GUCY1A2: variants seen among roughly 807,000 people sequenced by gnomAD.
The protein encoded by GUCY1A2 is guanylate cyclase 1 soluble subunit alpha 2.
Under a neutral mutation model 63.5 loss-of-function variants are expected in GUCY1A2, and 27 were observed. That is an observed-to-expected ratio of 0.43 (90% CI 0.31 to 0.59). GUCY1A2 has a LOEUF of 0.59. Among genes scored for constraint, GUCY1A2 ranks in the 20% least tolerant of loss-of-function variants. GUCY1A2 has a pLI of 0.11. For missense variants in GUCY1A2, 768 were observed against 913.3 expected (o/e 0.84, Z 2.05); for synonymous variants, 364 against 343.5 (o/e 1.06, Z -0.66).
chr11:106,760,349 T>C (rs1864044444), intron 6 of GUCY1A2, among the ~76,000 whole-genome samples: 1 of 152,030 alleles, frequency 6.6e-6, no homozygotes, highest in South Asian at 2.1e-4. Flanking sequence ...CATTTGGAGT[T>C]GAGATTATGT....
At chr11:106,953,612 T>C (rs887731373) in intron 3 of GUCY1A2, among the ~76,000 whole-genome samples, 5 of 152,168 alleles carry the variant, frequency 3.3e-5, no homozygotes, top group African/African-American at 1.2e-4. Flanking sequence ...CTCCTCTTTA[T>C]ATTTCTGGTA....
intron 4 of GUCY1A2, among the ~76,000 whole-genome samples, chr11:106,903,626 C>T (rs181169906): frequency 2.6e-5 from 4 of 152,224 alleles, no homozygotes; most frequent in Admixed American, 1.3e-4. Context: ...ACTATCCGAA[C>T]AGAGAGTCAT....
chr11:106,701,564 A>T (rs2135343957), intron 7 of GUCY1A2, among the ~76,000 whole-genome samples: 1 of 152,220 alleles, frequency 6.6e-6, no homozygotes, highest in African/African-American at 2.4e-5. Context: ...ATGGGTCTTT[A>T]AAAAAATAAA....
chr11:106,747,272 G>T (rs1314916252), intron 6 of GUCY1A2, among the ~76,000 whole-genome samples: 3 of 151,106 alleles, frequency 2.0e-5, no homozygotes, highest in African/African-American at 7.2e-5. Flanking sequence ...ACAGGCGTAA[G>T]CCACCGCGCC....
chr11:106,756,814 G>C (rs1385121834), intron 6 of GUCY1A2, among the ~76,000 whole-genome samples: 1 of 152,016 alleles, frequency 6.6e-6, no homozygotes, highest in South Asian at 2.1e-4. Context: ...TGAATCTGAC[G>C]ATTATGTTTC....
intron 5 of GUCY1A2, among the ~76,000 whole-genome samples, chr11:106,785,603 T>C (rs1054630649): frequency 4.6e-5 from 7 of 151,942 alleles, no homozygotes; most frequent in Admixed American, 2.0e-4. Context: ...ATGCTTTAAA[T>C]TGCATTCAAT....
chr11:106,788,535 C>A (rs1864604621), intron 5 of GUCY1A2, among the ~76,000 whole-genome samples: 2 of 152,172 alleles, frequency 1.3e-5, no homozygotes, highest in Non-Finnish European at 2.9e-5. Context: ...AGATTTAAGT[C>A]TTTAACCCAT....
chr11:106,936,511 G>T, intron 4 of GUCY1A2: 1 of 499,738 alleles, frequency 2.0e-6, no homozygotes, highest in Non-Finnish European at 3.6e-6. Flanking sequence ...GAAAACATAC[G>T]AATACTATAA....
At position 106,831,292 on chromosome 11, in the gene GUCY1A2, G is replaced by A. The variant is rs553173758; in HGVS notation, c.1207-20814C>T. On this transcript the variant is annotated intron_variant, in intron 4 of 7. Coordinates refer to ENST00000526355, the MANE Select transcript of GUCY1A2 (RefSeq NM_000855.3). ...AGAATTTGTCTTTCTAGACATTCCC[G>A]TGAACATGAACAACGTGTAAAAAAC... Among the ~76,000 whole-genome samples, 7 of 152,204 alleles carry A rather than the reference G, an allele frequency of 4.6e-5. No homozygotes were observed. In the South Asian group the frequency reaches 8.3e-4, roughly 18 times the overall value.
intron 4 of GUCY1A2, chr11:106,827,369 T>C: frequency 6.4e-7 from 1 of 1,552,844 alleles, no homozygotes; most frequent in Admixed American, 1.7e-5. Context: ...GCTTTATCTT[T>C]AATGGCCCAA....
chr11:106,939,757 C>G lies in GUCY1A2; in HGVS notation c.909G>C (p.Lys303Asn). The change falls in exon 4 of 8, where the codon AAG becomes AAC. Residue 303 changes from lysine (K) to asparagine (N), a missense_variant. Physicochemically the swap from Lys to Asn is moderately conservative, Grantham distance 94. Coordinates refer to ENST00000526355, the MANE Select transcript of GUCY1A2 (RefSeq NM_000855.3). ...IKECENTNIMKNLPQGTSQVP... is the reference protein window; with the variant it reads ...IKECENTNIMNNLPQGTSQVP... ...CTTGGGAGGTTCCCTGTGGAAGGTTCTTCATGATATTAGTATTTTCACATT... is the reference window on the plus strand; with the variant it reads ...CTTGGGAGGTTCCCTGTGGAAGGTTGTTCATGATATTAGTATTTTCACATT... 6.2e-7 allele frequency: 1 copy of G among 1,613,996 alleles called. No homozygotes were observed. The highest frequency in any genetic ancestry group is 8.5e-7 in the Non-Finnish European group (1 of 1,179,902).
At chr11:106,933,486 C>T (rs559410347) in intron 4 of GUCY1A2, among the ~76,000 whole-genome samples, 6 of 152,174 alleles carry the variant, frequency 3.9e-5, no homozygotes, top group Middle Eastern at 3.4e-3. Flanking sequence ...AACACTTATA[C>T]GTTGTTGGTG....
chr11:106,920,040 A>G (rs1860421770), intron 4 of GUCY1A2, among the ~76,000 whole-genome samples: 1 of 152,174 alleles, frequency 6.6e-6, no homozygotes, highest in Admixed American at 6.6e-5. Flanking sequence ...TAAACTAGCT[A>G]ATACCTAACC....
At chr11:106,956,580 C>A (rs1408061541) in intron 3 of GUCY1A2, among the ~76,000 whole-genome samples, 1 of 151,998 alleles carries the variant, frequency 6.6e-6, no homozygotes, top group Non-Finnish European at 1.5e-5. Flanking sequence ...CACTTCAGGT[C>A]GTATTCATGT....
Position 107,017,839 on chromosome 11 carries a change from T to G in GUCY1A2, c.217A>C (p.Thr73Pro), listed in dbSNP as rs1565361757. 7.8e-7 allele frequency: 1 copy of G among 1,277,058 alleles called. No individual in the cohort carries two copies. Among genetic ancestry groups the G allele is most frequent in the Non-Finnish European group, 9.9e-7 (1 of 1,013,208 alleles). 79.1% of individuals were successfully genotyped at this position (1,277,058 alleles called of 1,614,324 possible). Residue 73 changes from threonine to proline, a missense_variant, in exon 1 of 8, where the codon ACT becomes CCT. Thr to Pro is a conservative substitution (Grantham distance 38). Coordinates refer to ENST00000526355, the MANE Select transcript of GUCY1A2 (RefSeq NM_000855.3). ...CGCTGCACCCTCCTGGCCCCGGCAG[T>G]GGCAGCGGCGGCGGCGGCAGAAGCA... ...PAASAAAAAA[T>P]AGARRVQRRR...
chr11:106,991,438 TA>T (rs1335002618), intron 1 of GUCY1A2, among the ~76,000 whole-genome samples: 1 of 152,218 alleles, frequency 6.6e-6, no homozygotes, highest in South Asian at 2.1e-4. Flanking sequence ...GGGATCTTTA[TA>T]AAAAATACCA....
chr11:106,993,588 A>AT (rs1480418682), intron 1 of GUCY1A2, among the ~76,000 whole-genome samples: 1 of 152,168 alleles, frequency 6.6e-6, no homozygotes, highest in Non-Finnish European at 1.5e-5. Flanking sequence ...GGACCTCTAT[A>AT]TTACAAATCC....
At position 106,776,496 on chromosome 11, in the gene GUCY1A2, G is replaced by A. The variant is rs34690080; in HGVS notation, c.1779C>T (p.Ala593=). Reference sequence around the variant, plus strand: ...CTTCTGAAAGTTCCATCATCTTCAAGGCCATCAGAGCAATGGGTTTAGCAT... The same window carrying A: ...CTTCTGAAAGTTCCATCATCTTCAAAGCCATCAGAGCAATGGGTTTAGCAT... ...LCHAKPIALM[A]LKMMELSEEV... The change falls in exon 6 of 8, where the codon GCC becomes GCT. Residue 593 remains alanine, a synonymous_variant. Coordinates refer to ENST00000526355, the MANE Select transcript of GUCY1A2 (RefSeq NM_000855.3). 78,513 of 1,612,962 alleles carry A rather than the reference G, an allele frequency of 0.049. 2,147 individuals are homozygous for A. Among genetic ancestry groups the A allele is most frequent in the East Asian group, 0.099 (4,460 of 44,844 alleles).
chr11:106,856,452 C>T (rs546335061), intron 4 of GUCY1A2, among the ~76,000 whole-genome samples: 13 of 151,546 alleles, frequency 8.6e-5, no homozygotes, highest in East Asian at 1.9e-4. Flanking sequence ...TGAAGCTATA[C>T]GAGTTTTGGC....
Sources: gnomAD v4.1 joint callset for allele counts (sites outside exome capture counted in the v4.1 genomes callset) on GRCh38, gnomAD v4.1.1 for gene constraint, MANE v1.5 for transcripts, NCBI Gene and HGNC (gene_info 2026-07-23, HGNC 2026-07-21) for gene names.